PPP2R2B: variants seen among roughly 807,000 people sequenced by gnomAD.
The protein encoded by PPP2R2B is serine/threonine-protein phosphatase 2A 55 kDa regulatory subunit B beta isoform.
PPP2R2B carries 5 observed loss-of-function variants against 46.0 expected under a neutral mutation model. That is an observed-to-expected ratio of 0.11 (90% confidence interval 0.06 to 0.23). The LOEUF (loss-of-function observed/expected upper bound fraction) is 0.23. PPP2R2B is among the 10% of genes least tolerant of loss of function. PPP2R2B has a pLI of 1.00. For synonymous variants in PPP2R2B, 215 were observed against 206.7 expected, an observed-to-expected ratio of 1.04 and a Z score of -0.34; for missense variants, 367 against 575.0, an observed-to-expected ratio of 0.64 and a Z score of 3.70.
chr5:146,664,499 G>C (rs114873113), intron 5 of PPP2R2B, among the ~76,000 whole-genome samples: 1 of 151,482 alleles, frequency 6.6e-6, no homozygotes, highest in Non-Finnish European at 1.5e-5. Flanking sequence ...CCATCTTCAG[G>C]CTCCATTTTT....
At chr5:146,813,618 A>C (rs368297738) in intron 2 of PPP2R2B, among the ~76,000 whole-genome samples, 2 of 152,170 alleles carry the variant, frequency 1.3e-5, no homozygotes, top group East Asian at 1.9e-4. Context: ...AGCATCAATA[A>C]AACACCTCCT....
intron 1 of PPP2R2B, among the ~76,000 whole-genome samples, chr5:146,951,714 T>C (rs1237355217): frequency 6.6e-6 from 1 of 152,122 alleles, no homozygotes; most frequent in African/African-American, 2.4e-5. Context: ...GGCTGCATAA[T>C]ATTGCATGGT....
intron 2 of PPP2R2B, among the ~76,000 whole-genome samples, chr5:146,796,900 T>A (rs570496504): frequency 6.6e-6 from 1 of 152,248 alleles, no homozygotes; most frequent in Non-Finnish European, 1.5e-5. Flanking sequence ...GTAGTGAGAG[T>A]GACTTAATAT....
At chr5:146,713,249 G>A (rs1780306094) in intron 2 of PPP2R2B, among the ~76,000 whole-genome samples, 1 of 152,128 alleles carries the variant, frequency 6.6e-6, no homozygotes, top group Admixed American at 6.5e-5. Flanking sequence ...CCCTAAGAGG[G>A]AAATGAACAT....
chr5:146,898,480 G>A (rs896748804), intron 1 of PPP2R2B, among the ~76,000 whole-genome samples: 4 of 151,824 alleles, frequency 2.6e-5, no homozygotes, highest in African/African-American at 9.7e-5. Flanking sequence ...AATTCAAGAT[G>A]GATTAAAGAC....
chr5:146,752,394 T>C (rs554442270), intron 2 of PPP2R2B, among the ~76,000 whole-genome samples: 1 of 152,322 alleles, frequency 6.6e-6, no homozygotes, highest in South Asian at 2.1e-4. Context: ...ACATCTTCCC[T>C]GACCACCCCT....
intron 1 of PPP2R2B, among the ~76,000 whole-genome samples, chr5:146,943,269 G>A (rs1214035916): frequency 1.3e-5 from 2 of 152,108 alleles, no homozygotes; most frequent in African/African-American, 4.8e-5. Flanking sequence ...AATGTGAATG[G>A]GAAATTTAGT....
At chr5:147,000,108 ATTCT>A (rs1754099112) in intron 1 of PPP2R2B, among the ~76,000 whole-genome samples, 1 of 152,228 alleles carries the variant, frequency 6.6e-6, no homozygotes. Flanking sequence ...AGAGGAATCT[ATTCT>A]TTAAGATAAC....
intron 7 of PPP2R2B, among the ~76,000 whole-genome samples, chr5:146,616,262 G>A (rs949982784): frequency 1.3e-5 from 2 of 152,164 alleles, no homozygotes; most frequent in African/African-American, 4.8e-5. Flanking sequence ...TTAAATCTAA[G>A]ACCTTAGAGC....
In PPP2R2B at chr5:146,897,565, C is replaced by A. The variant is rs73796039; in HGVS notation, c.79+158100G>T. On this transcript the variant is annotated intron_variant, in intron 1 of 8. Transcript: ENST00000336640. ...TATTCATTTGACAGTTCTACTGATT[C>A]ATTCTCACATATGACTTGGCAATGG... 2.5e-3 allele frequency among the ~76,000 whole-genome samples: 385 copies of A among 152,286 alleles called. 1 individual carries two copies. Among genetic ancestry groups the A allele is most frequent in the African/African-American group, 8.8e-3 (365 of 41,560 alleles).
At chr5:146,931,066 T>C (rs779096751) in intron 1 of PPP2R2B, among the ~76,000 whole-genome samples, 75 of 152,246 alleles carry the variant, frequency 4.9e-4, no homozygotes, top group Admixed American at 2.7e-3. Context: ...ATAATTTTTT[T>C]TTTAGTGCTC....
intron 2 of PPP2R2B, chr5:146,706,649 G>A (rs1581919512): frequency 2.4e-6 from 2 of 829,988 alleles, no homozygotes. Context: ...AAATCCTCCC[G>A]CCTTTGAGGC....
Position 146,685,882 on chromosome 5 carries a change from C to G in PPP2R2B, c.447+5246G>C, listed in dbSNP as rs147040581. ...AGAAAAGGCTCTGCAGCCCTCACCCCCCGCCTTCCACCCCACCAAAATCTA... is the reference window on the plus strand; with the variant it reads ...AGAAAAGGCTCTGCAGCCCTCACCCGCCGCCTTCCACCCCACCAAAATCTA... On this transcript the variant is annotated intron_variant, in intron 5 of 9. Coordinates refer to ENST00000394411, the MANE Select transcript of PPP2R2B (RefSeq NM_181675.4). Among the ~76,000 whole-genome samples, 1,218 of 152,208 alleles carry G rather than the reference C, an allele frequency of 8.0e-3. 8 individuals carry two copies. Among genetic ancestry groups the G allele is most frequent in the Non-Finnish European group, 0.014 (941 of 67,992 alleles).
intron 1 of PPP2R2B, among the ~76,000 whole-genome samples, chr5:147,039,232 A>C (rs1180637528): frequency 1.3e-5 from 2 of 152,018 alleles, no homozygotes; most frequent in African/African-American, 4.8e-5. Flanking sequence ...CACTGTAATG[A>C]TTTACCCTGT....
intron 2 of PPP2R2B, among the ~76,000 whole-genome samples, chr5:146,798,343 G>A (rs757949758): frequency 5.3e-5 from 8 of 152,180 alleles, no homozygotes; most frequent in East Asian, 1.9e-4. Flanking sequence ...TTCCCCTGAT[G>A]AAGGCTTCCC....
intron 2 of PPP2R2B, among the ~76,000 whole-genome samples, chr5:146,803,025 T>C (rs1756958854): frequency 6.6e-6 from 1 of 152,134 alleles, no homozygotes; most frequent in African/African-American, 2.4e-5. Context: ...GAAAGCAGGA[T>C]ACACAGGGAC....
chr5:147,034,991 AG>A (rs1023435878), intron 1 of PPP2R2B, among the ~76,000 whole-genome samples: 200 of 152,192 alleles, frequency 1.3e-3, no homozygotes, highest in African/African-American at 4.5e-3. Flanking sequence ...AGGAAGAGGA[AG>A]GGAGAGAGAA....
chr5:146,749,606 CTTTTTTT>C (rs1045634394), intron 2 of PPP2R2B, among the ~76,000 whole-genome samples: 13 of 103,850 alleles, frequency 1.3e-4, no homozygotes, highest in Admixed American at 1.9e-4. Context: ...CTTTTCTTTT[CTTTTTTT>C]TTTTTTTTTT....
At chr5:147,069,789 T>TTTTTTTTG (rs1757526303) in intron 2 of PPP2R2B, among the ~76,000 whole-genome samples, 2 of 114,672 alleles carry the variant, frequency 1.7e-5, no homozygotes, top group East Asian at 4.4e-4. Context: ...TATACTGTTT[T>TTTTTTTTG]TTTTTTTTTT....
Sources: allele counts gnomAD v4.1 joint callset (sites outside exome capture counted in the v4.1 genomes callset), GRCh38; gene constraint gnomAD v4.1.1; transcripts MANE v1.5; gene names NCBI Gene and HGNC (gene_info 2026-07-23, HGNC 2026-07-21).